The following CNTNAP3B variants were observed in gnomAD, a reference collection of about 807,000 sequenced individuals.
The protein encoded by CNTNAP3B is contactin-associated protein-like 3B.
In CNTNAP3B, 25 loss-of-function variants were observed where a neutral mutation model predicts 108.9. The observed-to-expected ratio is 0.23, with a 90% CI of 0.17 to 0.32. The LOEUF (loss-of-function observed/expected upper bound fraction) is 0.32, where lower values mean the gene tolerates loss of function less well. CNTNAP3B is among the 10% of genes least tolerant of loss of function. The pLI is 1.00. For synonymous variants in CNTNAP3B, 103 were observed against 473.4 expected, an observed-to-expected ratio of 0.22 and a Z score of 10.16; for missense variants, 252 against 1,210.4, an observed-to-expected ratio of 0.21 and a Z score of 11.75.
chr9:41,964,731 C>T, intron 10 of CNTNAP3B, 87 bp from the exon 11 acceptor site: 4 of 1,530,502 alleles, frequency 2.6e-6, no homozygotes, highest in Non-Finnish European at 3.5e-6. Context: ...ATGTGAAAGG[C>T]CAGCATACGC....
Position 42,096,350 on chromosome 9 carries a change from G to A in CNTNAP3B, c.196+8279C>T, listed in dbSNP as rs1014636048. 1.4e-4 allele frequency among the ~76,000 whole-genome samples: 20 copies of A among 140,572 alleles called. 3 individuals are homozygous for A. Among genetic ancestry groups the A allele is most frequent in the East Asian group, 6.5e-4 (3 of 4,636 alleles). 92.2% of individuals were successfully genotyped at this position (140,572 alleles called of 152,430 possible). On this transcript the variant is annotated intron_variant, in intron 2 of 23. Coordinates refer to ENST00000377561, the MANE Select transcript of CNTNAP3B (RefSeq NM_001201380.3). The stretch of plus-strand genomic sequence containing the variant: ...GTCCTGCTGAGGGTTCCTAGTCTGC[G>A]AGATAGCAGAAAAATTAAAACACCT...
At chr9:41,919,454 T>C (rs1458388520) in intron 18 of CNTNAP3B, among the ~76,000 whole-genome samples, 286 of 151,290 alleles carry the variant, frequency 1.9e-3, no homozygotes, top group African/African-American at 6.7e-3. Flanking sequence ...GCAGAAGCTG[T>C]GTGATACCCC....
chr9:41,944,316 G>A (rs1282528830), intron 13 of CNTNAP3B, among the ~76,000 whole-genome samples: 2 of 146,902 alleles, frequency 1.4e-5, no homozygotes, highest in Middle Eastern at 3.3e-3. Flanking sequence ...TGATGTAATA[G>A]GTAACAGCTC....
intron 3 of CNTNAP3B, among the ~76,000 whole-genome samples, chr9:42,054,114 G>T (rs528099314): frequency 7.4e-6 from 1 of 134,866 alleles, no homozygotes; most frequent in Non-Finnish European, 1.6e-5. Context: ...ATTACCCATT[G>T]TTCAGTCTAC....
chr9:41,996,043 AT>A (rs1443439461), intron 7 of CNTNAP3B, among the ~76,000 whole-genome samples, 161 bp downstream of exon 7: 2 of 140,318 alleles, frequency 1.4e-5, no homozygotes, highest in African/African-American at 5.6e-5. Context: ...TCTCAAAAAA[AT>A]AAATAAATAA....
intron 15 of CNTNAP3B, chr9:41,926,636 T>G (rs1823828203): frequency 6.6e-6 from 1 of 152,328 alleles, no homozygotes; most frequent in Non-Finnish European, 1.5e-5. Flanking sequence ...TTAGTTTTTT[T>G]GTAAGAGACA....
intron 1 of CNTNAP3B, among the ~76,000 whole-genome samples, chr9:42,128,184 T>A (rs1828613326): frequency 7.1e-6 from 1 of 140,058 alleles, no homozygotes; most frequent in Non-Finnish European, 1.5e-5. Context: ...TGTGTAAACA[T>A]TTTTATGTGT....
chr9:41,941,936 G>C (rs1248682613), intron 13 of CNTNAP3B, among the ~76,000 whole-genome samples: 3 of 152,202 alleles, frequency 2.0e-5, no homozygotes, highest in Non-Finnish European at 2.9e-5. Context: ...CTCCAGCAGG[G>C]GGAGGGAAGG....
chr9:41,971,046 A>G (rs1825419619), intron 9 of CNTNAP3B, among the ~76,000 whole-genome samples: 1 of 149,634 alleles, frequency 6.7e-6, no homozygotes. Context: ...TTTCACTACA[A>G]TCGTCAGCTA....
intron 13 of CNTNAP3B, among the ~76,000 whole-genome samples, chr9:41,944,593 TAAAAC>T (rs1824467286): frequency 6.6e-6 from 1 of 152,030 alleles, no homozygotes; most frequent in Non-Finnish European, 1.5e-5. Context: ...AATGCTCAAT[TAAAAC>T]AAAAAATGTG....
At chr9:42,018,421 G>A (rs928489566) in intron 3 of CNTNAP3B, among the ~76,000 whole-genome samples, 6 of 139,290 alleles carry the variant, frequency 4.3e-5, no homozygotes, top group Admixed American at 2.1e-4. Flanking sequence ...TGAGGAAGGT[G>A]ACTCATGGAA....
intron 2 of CNTNAP3B, among the ~76,000 whole-genome samples, chr9:42,087,108 C>T (rs1827719595): frequency 7.1e-6 from 1 of 141,692 alleles, no homozygotes; most frequent in Non-Finnish European, 1.5e-5. Context: ...ATTTGATAAT[C>T]AGATTGTTAC....
At chr9:41,942,488 G>C (rs1451677805) in intron 13 of CNTNAP3B, among the ~76,000 whole-genome samples, 1 of 151,406 alleles carries the variant, frequency 6.6e-6, no homozygotes, top group Non-Finnish European at 1.5e-5. Flanking sequence ...GCGGGCGCCT[G>C]TAGTCCCAGC....
At chr9:42,120,852 T>G (rs1828446160) in intron 1 of CNTNAP3B, among the ~76,000 whole-genome samples, 1 of 127,654 alleles carries the variant, frequency 7.8e-6, no homozygotes, top group African/African-American at 3.2e-5. Context: ...GGGATAGCAT[T>G]AGGAGATATA....
At position 42,121,869 on chromosome 9, in the gene CNTNAP3B, C is replaced by T. The variant is rs1427468589; in HGVS notation, c.85+7141G>A. 1.0e-4 allele frequency among the ~76,000 whole-genome samples: 14 copies of T among 140,410 alleles called. 1 individual carries two copies. Among genetic ancestry groups the T allele is most frequent in the Admixed American group, 2.1e-4 (3 of 14,134 alleles). The allele number at this position is 140,410 out of a possible 152,430, so 92.1% of individuals were successfully genotyped here. A position where few individuals can be genotyped will look rare whatever the true frequency, so the allele number is the denominator to read the frequency against. On this transcript the variant is annotated intron_variant, in intron 1 of 23. Coordinates refer to ENST00000377561, the MANE Select transcript of CNTNAP3B (RefSeq NM_001201380.3). Reference sequence around the variant, plus strand: ...CCTACTTGCAAGCTAACAAATGAGTCTGCCAGTTTGTTTCATGGTTGCGGC... The same window carrying T: ...CCTACTTGCAAGCTAACAAATGAGTTTGCCAGTTTGTTTCATGGTTGCGGC...
At chr9:41,938,562 C>T (rs1279998958) in intron 13 of CNTNAP3B, among the ~76,000 whole-genome samples, 162 bp from the exon 14 acceptor site, 254 of 152,238 alleles carry the variant, frequency 1.7e-3, no homozygotes, top group African/African-American at 5.4e-3. Flanking sequence ...TGAAACGTTT[C>T]TTTAAGCCTA....
At chr9:42,042,135 G>A (rs1295402645) in intron 3 of CNTNAP3B, among the ~76,000 whole-genome samples, 2 of 141,698 alleles carry the variant, frequency 1.4e-5, no homozygotes, top group Admixed American at 7.1e-5. Flanking sequence ...TGATGTAAAT[G>A]AGGAGTTAAT....
At chr9:42,036,182 G>A (rs937120215) in intron 3 of CNTNAP3B, among the ~76,000 whole-genome samples, 5 of 148,504 alleles carry the variant, frequency 3.4e-5, no homozygotes, top group African/African-American at 1.0e-4. Context: ...TGGGACTACA[G>A]GCATGAGCAA....
intron 3 of CNTNAP3B, among the ~76,000 whole-genome samples, chr9:42,035,590 G>T (rs1189964446): frequency 6.7e-6 from 1 of 148,436 alleles, no homozygotes; most frequent in Non-Finnish European, 1.5e-5. Context: ...CAGAGTGATG[G>T]TGTGAGGAAC....
Sources: allele counts gnomAD v4.1 joint callset (sites outside exome capture counted in the v4.1 genomes callset), GRCh38; gene constraint gnomAD v4.1.1; transcripts MANE v1.5; gene names NCBI Gene and HGNC (gene_info 2026-07-23, HGNC 2026-07-21).